SPAG16: variants seen among roughly 807,000 people sequenced by gnomAD.
SPAG16 encodes sperm associated antigen 16.
SPAG16 carries 86 observed loss-of-function variants against 80.4 expected under a neutral mutation model. The observed-to-expected ratio is 1.07, with a 90% CI of 0.90 to 1.28. The LOEUF (loss-of-function observed/expected upper bound fraction) is 1.28. SPAG16 is among the 50% of genes most tolerant of loss of function. SPAG16 has a pLI of 0.00. For missense variants in SPAG16, 870 were observed against 765.3 expected, an observed-to-expected ratio of 1.14 and a Z score of -1.61; for synonymous variants, 294 against 265.9, an observed-to-expected ratio of 1.11 and a Z score of -1.03.
At chr2:213,857,688 C>T (rs1362200975) in intron 10 of SPAG16, among the ~76,000 whole-genome samples, 3 of 152,134 alleles carry the variant, frequency 2.0e-5, no homozygotes, top group East Asian at 1.9e-4. Context: ...TTCTGCTTCC[C>T]GTGGGTCAAT....
At position 214,410,301 on chromosome 2, in the gene SPAG16, C is replaced by T; in HGVS notation, c.1882C>T (p.Arg628Ter). Reference protein sequence around the residue: ...LFSGGSDGTVRTWS With the variant: ...LFSGGSDGTV ...TTCTGGAGGCTCTGACGGCACAGTTCGAACGTGGTCTTGACCGTCAGCACA... is the reference window on the plus strand; with the variant it reads ...TTCTGGAGGCTCTGACGGCACAGTTTGAACGTGGTCTTGACCGTCAGCACA... Residue 628 changes from arginine to a stop codon, truncating the protein, a stop_gained, in exon 16 of 16, where the codon CGA becomes TGA. Transcript: ENST00000331683. LOFTEE classifies it high-confidence loss of function. 1.3e-6 allele frequency: 2 copies of T among 1,598,404 alleles called. No individual in the cohort carries two copies. The highest frequency in any genetic ancestry group is 1.3e-5 in the African/African-American group (1 of 74,788).
intron 9 of SPAG16, among the ~76,000 whole-genome samples, chr2:213,432,781 C>G (rs1201482915): frequency 1.3e-5 from 2 of 152,040 alleles, no homozygotes; most frequent in African/African-American, 4.8e-5. Context: ...TACCAAAGAC[C>G]AGAGAGGACA....
chr2:214,249,311 A>G (rs1453567820), intron 15 of SPAG16, among the ~76,000 whole-genome samples: 1 of 152,174 alleles, frequency 6.6e-6, no homozygotes, highest in African/African-American at 2.4e-5. Flanking sequence ...GAACATAAAA[A>G]TGCATTTTCA....
chr2:213,986,512 A>C (rs1020423661), intron 12 of SPAG16, among the ~76,000 whole-genome samples: 1 of 152,050 alleles, frequency 6.6e-6, no homozygotes, highest in Non-Finnish European at 1.5e-5. Context: ...AAATCCACAA[A>C]AAATAGTATA....
At position 214,029,976 on chromosome 2, in the gene SPAG16, T is replaced by C. The variant is rs75045318; in HGVS notation, c.1527+15899T>C. On this transcript the variant is annotated intron_variant, in intron 13 of 15. Transcript: ENST00000331683. The stretch of plus-strand genomic sequence containing the variant: ...CAAAAGTTTCCGTGTGTGTGTATTT[T>C]AGTGGTAAGAACAATCAACATGAGA... Among the ~76,000 whole-genome samples the C allele has an allele frequency of 9.1e-3, 1,392 of 152,234 alleles. 22 individuals carry two copies. The highest frequency in any genetic ancestry group is 0.032 in the African/African-American group (1,315 of 41,550).
intron 10 of SPAG16, among the ~76,000 whole-genome samples, chr2:213,800,098 G>A (rs981248086): frequency 6.6e-6 from 1 of 152,108 alleles, no homozygotes; most frequent in Non-Finnish European, 1.5e-5. Context: ...TAAAGTATGG[G>A]AGACTATTGA....
intron 7 of SPAG16, among the ~76,000 whole-genome samples, chr2:213,357,524 C>T (rs2065727379): frequency 6.6e-6 from 1 of 152,008 alleles, no homozygotes; most frequent in Non-Finnish European, 1.5e-5. Flanking sequence ...CCTTCTTTGT[C>T]TCTTTTGATA....
At chr2:213,460,568 A>C (rs1368119844) in intron 9 of SPAG16, among the ~76,000 whole-genome samples, 3 of 152,186 alleles carry the variant, frequency 2.0e-5, no homozygotes, top group Non-Finnish European at 4.4e-5. Context: ...CATAAGAAAA[A>C]TGTTTGCAAT....
chr2:214,193,096 C>T (rs1000956493), intron 15 of SPAG16, among the ~76,000 whole-genome samples: 2 of 151,998 alleles, frequency 1.3e-5, no homozygotes, highest in Admixed American at 6.6e-5. Context: ...GCTTTGTATC[C>T]CCATATCAGT....
intron 15 of SPAG16, chr2:214,250,265 A>C (rs1275624216): frequency 1.3e-5 from 2 of 152,168 alleles, no homozygotes; most frequent in East Asian, 1.9e-4. Context: ...CACATGAAAA[A>C]GTTACATATG....
intron 13 of SPAG16, among the ~76,000 whole-genome samples, chr2:214,045,720 G>C (rs1427019913): frequency 6.6e-6 from 1 of 152,024 alleles, no homozygotes. Flanking sequence ...AGTACTAAGA[G>C]GCAAGTTTAT....
At chr2:214,135,143 T>C (rs2054980102) in intron 14 of SPAG16, among the ~76,000 whole-genome samples, 1 of 152,206 alleles carries the variant, frequency 6.6e-6, no homozygotes, top group Admixed American at 6.5e-5. Context: ...AAACAATACC[T>C]ACTTCTAGCA....
At chr2:213,720,656 GA>G (rs1005713839) in intron 10 of SPAG16, among the ~76,000 whole-genome samples, 6 of 144,866 alleles carry the variant, frequency 4.1e-5, no homozygotes, top group African/African-American at 7.6e-5. Context: ...AATAAATAAA[GA>G]AAAAAAATAT....
intron 12 of SPAG16, among the ~76,000 whole-genome samples, chr2:213,965,843 G>A (rs555866980): frequency 6.6e-6 from 1 of 152,290 alleles, no homozygotes; most frequent in Non-Finnish European, 1.5e-5. Context: ...CCGAAGAACA[G>A]CTTCCACTTA....
At chr2:213,883,842 T>C (rs2076447501) in intron 11 of SPAG16, among the ~76,000 whole-genome samples, 1 of 152,172 alleles carries the variant, frequency 6.6e-6, no homozygotes, top group African/African-American at 2.4e-5. Flanking sequence ...TCCTGTACTT[T>C]TATGCTTTCT....
chr2:213,479,462 T>TTG (rs375125648), intron 9 of SPAG16, among the ~76,000 whole-genome samples: 2,834 of 151,502 alleles, frequency 0.019, 32 homozygotes, highest in Non-Finnish European at 0.026. Flanking sequence ...ATCTTTTTGT[T>TTG]TGTGTGTGTG....
chr2:213,701,623 G>A (rs532473583), intron 10 of SPAG16, among the ~76,000 whole-genome samples: 23 of 152,304 alleles, frequency 1.5e-4, no homozygotes, highest in African/African-American at 3.4e-4. Context: ...TGCGTGGCGC[G>A]GGACTGGTAG....
chr2:214,000,128 G>T (rs2046723248), intron 12 of SPAG16, among the ~76,000 whole-genome samples: 2 of 152,102 alleles, frequency 1.3e-5, no homozygotes, highest in African/African-American at 4.8e-5. Flanking sequence ...GGGGCCAGGG[G>T]TAGAATGATA....
intron 15 of SPAG16, among the ~76,000 whole-genome samples, chr2:214,329,094 C>T (rs533689854): frequency 7.8e-4 from 118 of 152,154 alleles, no homozygotes; most frequent in Admixed American, 2.3e-3. Context: ...CAATCTGTGA[C>T]GCAAAAACAA....
Sources: allele counts gnomAD v4.1 joint callset (sites outside exome capture counted in the v4.1 genomes callset), GRCh38; gene constraint gnomAD v4.1.1; transcripts MANE v1.5; gene names NCBI Gene and HGNC (gene_info 2026-07-23, HGNC 2026-07-21).